Variants in NOB1 observed in about 807,000 individuals in gnomAD.
The protein encoded by NOB1 is NIN1 (RPN12) binding protein 1 homolog, also known as RNA-binding protein NOB1.
A neutral mutation model predicts 44.8 loss-of-function variants in NOB1; 44 were observed. The ratio of observed to expected loss-of-function variants is 0.98; its 90% CI spans 0.77 to 1.26. The LOEUF (loss-of-function observed/expected upper bound fraction) is 1.26. Ranked by LOEUF, NOB1 falls within the 50% of genes most tolerant of loss-of-function variation. The pLI, the probability that NOB1 is intolerant of heterozygous loss-of-function variation, is 0.00. For missense variants in NOB1, 560 were observed against 544.8 expected, an observed-to-expected ratio of 1.03 and a Z score of -0.28; for synonymous variants, 238 against 218.7, an observed-to-expected ratio of 1.09 and a Z score of -0.78.
chr16:69,748,423 T>C (rs1325824380), intron 6 of NOB1, 94 bp from the exon 7 acceptor site: 7 of 1,187,360 alleles, frequency 5.9e-6, no homozygotes, highest in Non-Finnish European at 6.0e-6. Flanking sequence ...GCCTTGCCCA[T>C]ATTCCTTGGC....
At chr16:69,748,371 A>G in intron 6 of NOB1, 42 bp from the exon 7 acceptor site, 1 of 1,567,174 alleles carries the variant, frequency 6.4e-7, no homozygotes. Flanking sequence ...TTCTTTTCAC[A>G]TTTCATTTTG....
intron 8 of NOB1, 143 bp from the exon 9 acceptor site, chr16:69,742,744 C>T (rs2038395626): frequency 2.5e-6 from 2 of 794,768 alleles, no homozygotes; most frequent in South Asian, 1.7e-5. Flanking sequence ...CCATGTGCTA[C>T]GTGTGACATG....
chr16:69,745,507 C>G (rs1330658420), intron 7 of NOB1, among the ~76,000 whole-genome samples: 9 of 152,218 alleles, frequency 5.9e-5, no homozygotes, highest in African/African-American at 1.9e-4. Flanking sequence ...TACCTTTTCT[C>G]CAAATGTCAG....
chr16:69,746,570 C>T (rs2038433070), intron 7 of NOB1, among the ~76,000 whole-genome samples: 1 of 152,230 alleles, frequency 6.6e-6, no homozygotes, highest in African/African-American at 2.4e-5. Flanking sequence ...CTTGACACAA[C>T]TGTCTTCCTA....
At chr16:69,743,636 A>G (rs1444376592) in intron 8 of NOB1, among the ~76,000 whole-genome samples, 3 of 125,196 alleles carry the variant, frequency 2.4e-5, no homozygotes, top group African/African-American at 8.6e-5. Context: ...TCTACAAAGG[A>G]ACGGACTCAT....
rs117293487 is a variant in NOB1, at chr16:69,747,848, A to G, written c.824+384T>C. 9.7e-4 allele frequency among the ~76,000 whole-genome samples: 147 copies of G among 152,162 alleles called. 1 individual carries two copies. Among genetic ancestry groups the G allele is most frequent in the Admixed American group, 6.6e-3 (101 of 15,248 alleles). On this transcript the variant is annotated intron_variant, in intron 7 of 8. Transcript: ENST00000268802. ...ACACATAATGTAGGGTTCTCTTTAA[A>G]CAAGTCTGTAGAAGAAACAGGAATA...
chr16:69,748,024 G>A (rs866713177), intron 7 of NOB1, among the ~76,000 whole-genome samples: 2 of 152,144 alleles, frequency 1.3e-5, no homozygotes, highest in Admixed American at 1.3e-4. Context: ...AATTAGTCGG[G>A]TGCAGTGGTA....
At chr16:69,745,086 G>C (rs1025511137) in intron 7 of NOB1, 69 bp from the exon 8 acceptor site, 1 of 1,553,692 alleles carries the variant, frequency 6.4e-7, no homozygotes, top group African/African-American at 1.4e-5. Context: ...AGAGCACAAG[G>C]TGGGTCTCGG....
At chr16:69,744,850 G>C in intron 8 of NOB1, 23 bp downstream of exon 8, 1 of 1,609,090 alleles carries the variant, frequency 6.2e-7, no homozygotes, top group Non-Finnish European at 8.5e-7. Context: ...TGTTGGGAGG[G>C]GACTGGGAGA....
chr16:69,752,224 C>T lies in NOB1; in HGVS notation c.327+17G>A, dbSNP rs1396428839. On this transcript the variant is annotated intron_variant, in intron 3 of 8. Coordinates refer to ENST00000268802, the MANE Select transcript of NOB1 (RefSeq NM_014062.3). ...CCCATAATACAAAGCTTTTAAAAAC[C>T]CATCCTCTTGATTTACCTTCTGTGG... is the stretch of plus-strand genomic sequence containing the variant. The T allele has an allele frequency of 1.2e-6, 2 of 1,606,904 alleles. No individual in the cohort carries two copies. Among genetic ancestry groups the T allele is most frequent in the African/African-American group, 1.3e-5 (1 of 74,878 alleles).
At position 69,742,094 on chromosome 16, in the gene NOB1, TTC is replaced by T. The variant is rs900333234; in HGVS notation, c.*236_*237del. On this transcript the variant is annotated 3_prime_UTR_variant, in exon 9 of 9. Coordinates refer to ENST00000268802, the MANE Select transcript of NOB1 (RefSeq NM_014062.3). ...AAGATTGGCTCCAGGGCGTTGTTCT[TTC>T]TGTTTTTATGCAATTGCACTTCCTT... 6.3e-6 allele frequency: 3 copies of T among 478,492 alleles called. No individual in the cohort carries two copies. The highest frequency in any genetic ancestry group is 3.9e-5 in the African/African-American group (2 of 51,124). The allele number at this position is 478,492 out of a possible 1,614,324, so 29.6% of individuals were successfully genotyped here.
Position 69,742,887 on chromosome 16 carries a change from CAT to C in NOB1, c.970-288_970-287del, listed in dbSNP as rs746245755. Among the ~76,000 whole-genome samples the C allele has an allele frequency of 1.5e-4, 23 of 152,286 alleles. No individual in the cohort carries two copies. In the East Asian group the frequency reaches 2.1e-3, roughly 14 times the overall value. On this transcript the variant is annotated intron_variant, in intron 8 of 8. Coordinates refer to ENST00000268802, the MANE Select transcript of NOB1 (RefSeq NM_014062.3). ...ACATTCCAGTGTGTATTTACACACA[CAT>C]GTATGTATTTCCTAGCTCTGTCCAT...
At chr16:69,747,783 C>T (rs1043066344) in intron 7 of NOB1, among the ~76,000 whole-genome samples, 4 of 152,192 alleles carry the variant, frequency 2.6e-5, no homozygotes, top group South Asian at 2.1e-4. Flanking sequence ...CAGGTGGAGA[C>T]GGAACCCAGG....
At chr16:69,748,804 C>T in intron 6 of NOB1, 114 bp downstream of exon 6, 1 of 1,006,304 alleles carries the variant, frequency 9.9e-7, no homozygotes, top group East Asian at 2.6e-5. Flanking sequence ...CAGGTGGTTT[C>T]CAGAACCAGG....
rs1214085200 is a variant in NOB1 at position 69,749,291 on chromosome 16, A to C, written c.447T>G (p.Pro149=). The change falls in exon 5 of 9, where the codon CCT becomes CCG. Residue 149 remains proline, a synonymous_variant. Coordinates refer to ENST00000268802, the MANE Select transcript of NOB1 (RefSeq NM_014062.3). ...TGAAGGAACTAAATTCCAGGTTCTC[A>C]GGCTCACAAGCTGAGTGTCCTTTTT... The part of the protein sequence containing the change: ...ETEKGHSACE[P]ENLEFSSFMF... 7.7e-5 allele frequency: 124 copies of C among 1,612,174 alleles called. No individual in the cohort carries two copies. Among genetic ancestry groups the C allele is most frequent in the Non-Finnish European group, 1.0e-4 (119 of 1,179,438 alleles).
intron 8 of NOB1, among the ~76,000 whole-genome samples, chr16:69,744,243 C>T (rs2038409598): frequency 6.6e-6 from 1 of 152,198 alleles, no homozygotes; most frequent in Non-Finnish European, 1.5e-5. Flanking sequence ...ATCGCTTGAA[C>T]CCCAGAGGTG....
intron 2 of NOB1, among the ~76,000 whole-genome samples, chr16:69,753,869 C>G (rs2038502566): frequency 6.6e-6 from 1 of 152,052 alleles, no homozygotes; most frequent in Non-Finnish European, 1.5e-5. Flanking sequence ...TGCAGTGGTA[C>G]GATCTCGGCT....
intron 7 of NOB1, among the ~76,000 whole-genome samples, chr16:69,747,900 G>A (rs2038446549): frequency 1.3e-5 from 2 of 152,280 alleles, no homozygotes; most frequent in South Asian, 4.1e-4. Flanking sequence ...GCTCACACCT[G>A]TAACCCCAGC....
At position 69,747,310 on chromosome 16, in the gene NOB1, A is replaced by G. The variant is rs114456692; in HGVS notation, c.824+922T>C. On this transcript the variant is annotated intron_variant, in intron 7 of 8. Coordinates refer to ENST00000268802, the MANE Select transcript of NOB1 (RefSeq NM_014062.3). ...CGCACCACTTTAGGAGGACAAGATA[A>G]GAGGATTGCTTGAGGCCAGGAGTTA... Among the ~76,000 whole-genome samples, 687 of 152,036 alleles carry G rather than the reference A, an allele frequency of 4.5e-3. 9 individuals are homozygous for G. The highest frequency in any genetic ancestry group is 0.016 in the African/African-American group (655 of 41,462).
Sources: allele counts gnomAD v4.1 joint callset (sites outside exome capture counted in the v4.1 genomes callset), GRCh38; gene constraint gnomAD v4.1.1; transcripts MANE v1.5; gene names NCBI Gene and HGNC (gene_info 2026-07-23, HGNC 2026-07-21).